The following KIF1C variants were observed in gnomAD, a reference collection of about 807,000 sequenced individuals.
The protein encoded by KIF1C is kinesin-like protein KIF1C.
In KIF1C, 61 loss-of-function variants were observed where a neutral mutation model predicts 126.5. That is an observed-to-expected ratio of 0.48 (90% CI 0.39 to 0.60). The LOEUF (loss-of-function observed/expected upper bound fraction) is 0.60, where lower values mean the gene tolerates loss of function less well. Among genes scored for constraint, KIF1C ranks in the 20% least tolerant of loss-of-function variants. The pLI, the probability that KIF1C is intolerant of heterozygous loss-of-function variation, is 0.00. For synonymous variants in KIF1C, 640 were observed against 580.6 expected, an observed-to-expected ratio of 1.10 and a Z score of -1.47; for missense variants, 1,315 against 1,489.2, an observed-to-expected ratio of 0.88 and a Z score of 1.93.
At position 5,022,046 on chromosome 17, in the gene KIF1C, C is replaced by G; in HGVS notation, c.2011-46C>G. Reference sequence around the variant, plus strand: ...CACACTGGGCCAAGACACATGGGCTCTGGATGTCCTTAGCCCTCTCTTCCT... The same window carrying G: ...CACACTGGGCCAAGACACATGGGCTGTGGATGTCCTTAGCCCTCTCTTCCT... On this transcript the variant is annotated intron_variant, in intron 21 of 22. Transcript: ENST00000320785. The surrounding 1 kb of genome is among the most constrained non-coding windows in gnomAD (Gnocchi z 4.9). 6.5e-7 allele frequency: 1 copy of G among 1,543,552 alleles called. No individual in the cohort carries two copies. The highest frequency in any genetic ancestry group is 8.7e-7 in the Non-Finnish European group (1 of 1,143,766).
chr17:5,002,099 G>A lies in KIF1C; in HGVS notation c.404G>A (p.Ser135Asn). 1 of 1,614,126 alleles carries A rather than the reference G, an allele frequency of 6.2e-7. No individual in the cohort carries two copies. ...TTCTCTCGCGTTAGTGAGAACCAGA[G>A]TGCTCAGCTATCCTACTCTGTGGAG... ...DLFSRVSENQSAQLSYSVEVS... is the reference protein window; with the variant it reads ...DLFSRVSENQNAQLSYSVEVS... Residue 135 changes from serine to asparagine, a missense_variant, in exon 6 of 23, where the codon AGT becomes AAT. By Grantham distance (46) the Ser-to-Asn change is conservative (BLOSUM62 1). This residue lies in a region of KIF1C where 874 missense variants were observed against 1,053.2 expected (regional missense o/e 0.83). Transcript: ENST00000320785.
At chr17:4,998,561 C>T (rs1310981663) in intron 1 of KIF1C, among the ~76,000 whole-genome samples, 1 of 152,242 alleles carries the variant, frequency 6.6e-6, no homozygotes. Context: ...GCCACCCCAT[C>T]CCTGTCCCAT....
chr17:5,024,545 CTG>C lies in KIF1C; in HGVS notation c.*396_*397del. On this transcript the variant is annotated 3_prime_UTR_variant, in exon 23 of 23. Transcript: ENST00000320785. Reference sequence around the variant, plus strand: ...TTCTCCCCAGCCCCTGTCCGTCTGTCTGTCTGTCTGTGGTGGTTTCTGTTTCT... The same window carrying C: ...TTCTCCCCAGCCCCTGTCCGTCTGTCTCTGTCTGTGGTGGTTTCTGTTTCT... 5.4e-6 allele frequency: 1 copy of C among 183,932 alleles called. No homozygotes were observed. The allele number at this position is 183,932 out of a possible 1,614,324, so 11.4% of individuals were successfully genotyped here.
chr17:5,011,136 A>T (rs1567724226), intron 16 of KIF1C, among the ~76,000 whole-genome samples: 1 of 152,186 alleles, frequency 6.6e-6, no homozygotes, highest in Non-Finnish European at 1.5e-5. Flanking sequence ...ATTTTTCTCA[A>T]GGTGGTGAGG....
At position 5,015,750 on chromosome 17, in the gene KIF1C, C is replaced by G. The variant is rs931480330; in HGVS notation, c.1666+913C>G. Among the ~76,000 whole-genome samples the G allele has an allele frequency of 2.6e-5, 4 of 151,962 alleles. No individual in the cohort carries two copies. The East Asian group carries it at 7.8e-4, about 30-fold the overall frequency. On this transcript the variant is annotated intron_variant, in intron 18 of 22. Coordinates refer to ENST00000320785, the MANE Select transcript of KIF1C (RefSeq NM_006612.6). ...AGCTGGGATTACAGGCACGCGCCAC[C>G]ACACCAGGCTAATTTTTGTATTTTT...
rs751106821 is a variant in KIF1C at position 5,007,455 on chromosome 17, C to T, written c.1416-12C>T. The stretch of plus-strand genomic sequence containing the variant: ...AAGGTAAGACTGACATTTGCCTCTC[C>T]TCTGCCCACAGAGAAGCATTGCTGG... On this transcript the variant is annotated splice_polypyrimidine_tract_variant and intron_variant, in intron 15 of 22. Transcript: ENST00000320785. 3.7e-6 allele frequency: 6 copies of T among 1,602,992 alleles called. No individual in the cohort carries two copies. In the African/African-American group the frequency reaches 6.7e-5, roughly 18 times the overall value.
intron 16 of KIF1C, among the ~76,000 whole-genome samples, chr17:5,007,884 T>G (rs1026365760): frequency 6.6e-6 from 1 of 152,196 alleles, no homozygotes; most frequent in Non-Finnish European, 1.5e-5. Flanking sequence ...AAGGATAACT[T>G]GGGAAGACAA....
Position 5,020,615 on chromosome 17 carries a change from A to C in KIF1C, c.1874A>C (p.Asn625Thr). The change falls in exon 20 of 23, where the codon AAC (asparagine) becomes ACC (threonine). Residue 625 changes from asparagine (N) to threonine (T), a missense_variant. Coordinates refer to ENST00000320785, the MANE Select transcript of KIF1C (RefSeq NM_006612.6). The surrounding 1 kb of genome is among the most constrained non-coding windows in gnomAD (Gnocchi z 5.8). ...CCGCCCTCTGAGCCAGTCGACTGGA[A>C]CTTTGCCCAGAAGGAACTGCTGGAG... Reference protein sequence around the residue: ...PGPPSEPVDWNFAQKELLEQQ... With the variant: ...PGPPSEPVDWTFAQKELLEQQ... 1 of 1,614,256 alleles carries C rather than the reference A, an allele frequency of 6.2e-7. No homozygotes were observed. The highest frequency in any genetic ancestry group is 8.5e-7 in the Non-Finnish European group (1 of 1,180,036).
At chr17:5,010,531 G>A (rs1401091497) in intron 16 of KIF1C, among the ~76,000 whole-genome samples, 5 of 151,814 alleles carry the variant, frequency 3.3e-5, no homozygotes, top group Non-Finnish European at 7.4e-5. Context: ...GGCGGATCAC[G>A]AGGTCAGGAG....
chr17:4,998,376 C>T (rs1451255448), intron 1 of KIF1C, among the ~76,000 whole-genome samples: 1 of 152,216 alleles, frequency 6.6e-6, no homozygotes, highest in Admixed American at 6.5e-5. Context: ...CGGGCGGGGA[C>T]CTGTGTGAGA....
intron 11 of KIF1C, 124 bp downstream of exon 11, chr17:5,004,197 C>T (rs1974673056): frequency 7.6e-6 from 6 of 787,534 alleles, no homozygotes; most frequent in Admixed American, 5.6e-5. Context: ...CTCCCCCTGA[C>T]CCTTCAAAGG....
chr17:5,018,460 C>A (rs1266685396), intron 18 of KIF1C, among the ~76,000 whole-genome samples: 1 of 151,748 alleles, frequency 6.6e-6, no homozygotes, highest in Non-Finnish European at 1.5e-5. Flanking sequence ...TGAGGTCAGG[C>A]GGGTGGATCA....
At position 5,024,046 on chromosome 17, in the gene KIF1C, A is replaced by C. The variant is rs768877923; in HGVS notation, c.3207A>C (p.Pro1069=). Residue 1069 remains proline (P), a synonymous_variant, in exon 23 of 23, where the codon CCA becomes CCC. Transcript: ENST00000320785. ...NSYPQPPQPY[P]AQRPPGPRYP... The stretch of plus-strand genomic sequence containing the variant: ...ATCCCCAGCCACCCCAACCCTACCC[A>C]GCCCAGCGGCCCCCAGGGCCCCGCT... 16 of 1,573,386 alleles carry C rather than the reference A, an allele frequency of 1.0e-5. No individual in the cohort carries two copies. Among genetic ancestry groups the C allele is most frequent in the African/African-American group, 4.1e-5 (3 of 72,698 alleles).
intron 1 of KIF1C, 125 bp from the exon 2 acceptor site, chr17:4,999,725 C>T (rs183117957): frequency 6.0e-6 from 1 of 166,454 alleles, no homozygotes; most frequent in East Asian, 1.7e-4. Context: ...TTCAGCCACT[C>T]TAGAGGGGCA....
rs534237410 is a variant in KIF1C, at chr17:5,017,203, A to G, written c.1666+2366A>G. Among the ~76,000 whole-genome samples, 8 of 152,120 alleles carry G rather than the reference A, an allele frequency of 5.3e-5. No homozygotes were observed. The South Asian group carries it at 1.7e-3, about 32-fold the overall frequency. On this transcript the variant is annotated intron_variant, in intron 18 of 22. Transcript: ENST00000320785. The stretch of plus-strand genomic sequence containing the variant: ...TGCGGAGAGATGACACCCGTGTGCA[A>G]GACTGACATAGGTCACAGTAAAGGC...
rs756330795 is a variant in KIF1C, at chr17:5,007,244, A to AC, written c.1336-16dup. 2 of 1,600,022 alleles carry AC rather than the reference A, an allele frequency of 1.2e-6. No homozygotes were observed. Among genetic ancestry groups the AC allele is most frequent in the South Asian group, 2.2e-5 (2 of 89,620 alleles). On this transcript the variant is annotated intron_variant, in intron 14 of 22. Transcript: ENST00000320785. Reference sequence around the variant, plus strand: ...CTTGTCCCAGACCATCCTGAAACCTACCCACCTTACGCCCCCAGGAGACAG... The same window carrying AC: ...CTTGTCCCAGACCATCCTGAAACCTACCCCACCTTACGCCCCCAGGAGACAG...
intron 18 of KIF1C, 188 bp from the exon 19 acceptor site, chr17:5,019,808 C>T: frequency 1.6e-6 from 1 of 609,314 alleles, no homozygotes; most frequent in East Asian, 2.8e-5. Flanking sequence ...GGGGCTCTAA[C>T]CCTCCTTCTG....
At chr17:5,016,369 A>T (rs568465161) in intron 18 of KIF1C, among the ~76,000 whole-genome samples, 4 of 148,346 alleles carry the variant, frequency 2.7e-5, no homozygotes, top group Non-Finnish European at 1.5e-5. Flanking sequence ...TCCTGCCTTG[A>T]CCTCCCAAGG....
intron 16 of KIF1C, among the ~76,000 whole-genome samples, chr17:5,008,971 A>C (rs1285977654): frequency 6.6e-6 from 1 of 152,122 alleles, no homozygotes; most frequent in Admixed American, 6.5e-5. Flanking sequence ...CAGAGATGCC[A>C]CCTGCCAAAG....
Sources: allele counts gnomAD v4.1 joint callset (sites outside exome capture counted in the v4.1 genomes callset), GRCh38; gene constraint gnomAD v4.1.1; regional missense constraint gnomAD v4.1.1; non-coding constraint Gnocchi (gnomAD v3.1); transcripts MANE v1.5; gene names NCBI Gene and HGNC (gene_info 2026-07-23, HGNC 2026-07-21).